MAN2A1: variants seen among roughly 807,000 people sequenced by gnomAD.
MAN2A1 encodes the protein alpha-mannosidase 2.
Under a neutral mutation model 142.6 loss-of-function variants are expected in MAN2A1, and 76 were observed. That is an observed-to-expected ratio of 0.53 (90% CI 0.44 to 0.65). MAN2A1 has a LOEUF of 0.65. Among genes scored for constraint, MAN2A1 ranks in the 30% least tolerant of loss-of-function variants. MAN2A1 has a pLI of 0.00. For missense variants in MAN2A1, 1,311 were observed against 1,365.1 expected, an observed-to-expected ratio of 0.96 and a Z score of 0.62; for synonymous variants, 559 against 473.2, an observed-to-expected ratio of 1.18 and a Z score of -2.35.
chr5:109,849,810 C>T (rs1027615337), intron 19 of MAN2A1, among the ~76,000 whole-genome samples: 4 of 151,974 alleles, frequency 2.6e-5, no homozygotes, highest in South Asian at 2.1e-4. Flanking sequence ...TTTCTTACCA[C>T]GGCCTCCAGA....
chr5:109,764,195 A>G (rs974712447), intron 5 of MAN2A1, among the ~76,000 whole-genome samples: 5 of 152,154 alleles, frequency 3.3e-5, no homozygotes, highest in Non-Finnish European at 5.9e-5. Context: ...ATAGTATTAA[A>G]TATACTTAGA....
chr5:109,694,381 T>C (rs1253657895), intron 1 of MAN2A1, among the ~76,000 whole-genome samples: 1 of 151,814 alleles, frequency 6.6e-6, no homozygotes, highest in Non-Finnish European at 1.5e-5. Context: ...TGCTCTGTCA[T>C]CCAGGCTGGA....
chr5:109,721,343 A>C (rs956924290), intron 3 of MAN2A1, among the ~76,000 whole-genome samples: 4 of 152,086 alleles, frequency 2.6e-5, no homozygotes, highest in South Asian at 2.1e-4. Flanking sequence ...TAACACATTT[A>C]TCTGGACTTT....
chr5:109,851,699 C>A (rs1419608757), intron 19 of MAN2A1, among the ~76,000 whole-genome samples: 1 of 152,060 alleles, frequency 6.6e-6, no homozygotes, highest in Non-Finnish European at 1.5e-5. Context: ...CAGGCATTGA[C>A]GGCTTTAGGA....
chr5:109,774,715 A>C lies in MAN2A1; in HGVS notation c.1197-73A>C, dbSNP rs540853205. 721 of 1,115,810 alleles carry C rather than the reference A, an allele frequency of 6.5e-4. 2 individuals carry two copies. Among genetic ancestry groups the C allele is most frequent in the Non-Finnish European group, 7.1e-4 (550 of 772,296 alleles). The allele number at this position is 1,115,810 out of a possible 1,614,324, so 69.1% of individuals were successfully genotyped here. On this transcript the variant is annotated intron_variant, in intron 7 of 21. Coordinates refer to ENST00000261483, the MANE Select transcript of MAN2A1 (RefSeq NM_002372.4). ...TTTTGAATTTGGTTATTTCCTTTTT[A>C]ATCAATTGTCACATTCACTTTTTCT... is the stretch of plus-strand genomic sequence containing the variant.
intron 1 of MAN2A1, among the ~76,000 whole-genome samples, chr5:109,705,691 T>C (rs868424786): frequency 3.9e-5 from 6 of 152,234 alleles, no homozygotes; most frequent in African/African-American, 1.4e-4. Context: ...TACAGATCTT[T>C]AGGTCAGAAG....
rs150088907 is a variant in MAN2A1 at position 109,712,647 on chromosome 5, A to G, written c.136-873A>G. On this transcript the variant is annotated intron_variant, in intron 1 of 21. Transcript: ENST00000261483. ...ATGTGGGTTTTTTGAGGCTTTTGCT[A>G]GTTATAACATCACCTTGTGTGTTCA... Among the ~76,000 whole-genome samples the G allele has an allele frequency of 6.3e-3, 963 of 152,228 alleles. 6 individuals carry two copies. Among genetic ancestry groups the G allele is most frequent in the Middle Eastern group, 0.014 (4 of 294 alleles).
chr5:109,712,884 G>A (rs1341836761), intron 1 of MAN2A1, among the ~76,000 whole-genome samples: 1 of 152,130 alleles, frequency 6.6e-6, no homozygotes, highest in African/African-American at 2.4e-5. Context: ...TTTGTATAAC[G>A]AGGTTTATGT....
chr5:109,843,101 C>T (rs113402710), intron 17 of MAN2A1, among the ~76,000 whole-genome samples: 2,846 of 152,148 alleles, frequency 0.019, 35 homozygotes, highest in Middle Eastern at 0.071. Context: ...CCACTGTGCC[C>T]GGTCTGTTTT....
chr5:109,742,772 A>G (rs1042945238), intron 4 of MAN2A1, among the ~76,000 whole-genome samples: 2 of 152,252 alleles, frequency 1.3e-5, no homozygotes, highest in African/African-American at 4.8e-5. Flanking sequence ...ATCTAAAGAT[A>G]TTTAGCATTT....
chr5:109,717,443 A>G (rs966908511), intron 3 of MAN2A1, among the ~76,000 whole-genome samples: 1 of 152,176 alleles, frequency 6.6e-6, no homozygotes, highest in Non-Finnish European at 1.5e-5. Flanking sequence ...GTGTGCACTG[A>G]CATGTAAAAT....
chr5:109,760,643 G>C (rs937866138), intron 5 of MAN2A1, among the ~76,000 whole-genome samples: 2 of 152,104 alleles, frequency 1.3e-5, no homozygotes, highest in Non-Finnish European at 2.9e-5. Flanking sequence ...CGCATCTGTT[G>C]TTTCCTCACT....
chr5:109,814,663 A>G (rs552783695), intron 12 of MAN2A1, among the ~76,000 whole-genome samples: 5 of 152,354 alleles, frequency 3.3e-5, no homozygotes, highest in Admixed American at 6.5e-5. Flanking sequence ...ATGGTCAAAT[A>G]CTAATTAGCT....
chr5:109,825,975 CG>C (rs1480493210), intron 16 of MAN2A1, among the ~76,000 whole-genome samples: 1 of 136,330 alleles, frequency 7.3e-6, no homozygotes, highest in African/African-American at 2.8e-5. Context: ...GGAGCGATCT[CG>C]GCTCACTGCA....
intron 9 of MAN2A1, 46 bp downstream of exon 9, chr5:109,781,644 T>C: frequency 1.5e-6 from 2 of 1,299,340 alleles, no homozygotes; most frequent in East Asian, 2.4e-5. Context: ...CACTTTATAT[T>C]ATCATAATCT....
chr5:109,739,610 TC>T (rs1418194636), intron 4 of MAN2A1, among the ~76,000 whole-genome samples: 1 of 152,164 alleles, frequency 6.6e-6, no homozygotes, highest in Non-Finnish European at 1.5e-5. Flanking sequence ...TCCAAGTATT[TC>T]CCTCCTTTTT....
chr5:109,861,414 G>A (rs1481019449), intron 20 of MAN2A1, among the ~76,000 whole-genome samples: 1 of 152,162 alleles, frequency 6.6e-6, no homozygotes, highest in Non-Finnish European at 1.5e-5. Flanking sequence ...TGGTACAAAA[G>A]TAATTGCAGT....
At chr5:109,729,773 A>G (rs1344371446) in intron 4 of MAN2A1, among the ~76,000 whole-genome samples, 1 of 152,158 alleles carries the variant, frequency 6.6e-6, no homozygotes, top group Admixed American at 6.5e-5. Context: ...TGGGCGGATC[A>G]CCTGAGGGCA....
intron 20 of MAN2A1, among the ~76,000 whole-genome samples, chr5:109,858,793 G>T (rs1039315332): frequency 1.3e-5 from 2 of 152,218 alleles, no homozygotes; most frequent in Admixed American, 6.5e-5. Context: ...CCTCTGGGCC[G>T]CTGTCTAAAG....
Sources: allele counts gnomAD v4.1 joint callset (sites outside exome capture counted in the v4.1 genomes callset), GRCh38; gene constraint gnomAD v4.1.1; transcripts MANE v1.5; gene names NCBI Gene and HGNC (gene_info 2026-07-23, HGNC 2026-07-21).